EPHA6: variants seen among roughly 807,000 people sequenced by gnomAD.
EPHA6 encodes EPH receptor A6.
A neutral mutation model predicts 112.0 loss-of-function variants in EPHA6; 50 were observed. That is an observed-to-expected ratio of 0.45 (90% CI 0.36 to 0.56). EPHA6 has a LOEUF of 0.56. Among genes scored for constraint, EPHA6 ranks in the 20% least tolerant of loss-of-function variants. The pLI, the probability that EPHA6 is intolerant of heterozygous loss-of-function variation, is 0.00. For synonymous variants in EPHA6, 529 were observed against 490.7 expected (o/e 1.08, Z -1.03); for missense variants, 1,280 against 1,417.4 (o/e 0.90, Z 1.56).
At chr3:97,671,505 G>C (rs770289839) in intron 14 of EPHA6, among the ~76,000 whole-genome samples, 2 of 152,114 alleles carry the variant, frequency 1.3e-5, no homozygotes, top group Non-Finnish European at 2.9e-5. Flanking sequence ...TATGAGAGCT[G>C]TGTGTTGGAA....
At chr3:97,358,276 A>T (rs763887429) in intron 5 of EPHA6, among the ~76,000 whole-genome samples, 1 of 151,986 alleles carries the variant, frequency 6.6e-6, no homozygotes, top group African/African-American at 2.4e-5. Context: ...TGGGCATTAC[A>T]TCTAACATCC....
chr3:97,096,770 T>C, intron 3 of EPHA6, among the ~76,000 whole-genome samples: 1 of 151,918 alleles, frequency 6.6e-6, no homozygotes, highest in East Asian at 1.9e-4. Flanking sequence ...TTATTTAAAG[T>C]TAAAAACCAA....
At chr3:96,936,323 G>C (rs2040579649) in intron 2 of EPHA6, among the ~76,000 whole-genome samples, 1 of 151,708 alleles carries the variant, frequency 6.6e-6, no homozygotes, top group Non-Finnish European at 1.5e-5. Context: ...AAATATGTTT[G>C]AAATGTAATG....
At chr3:97,171,844 G>A (rs1258142621) in intron 3 of EPHA6, among the ~76,000 whole-genome samples, 1 of 151,990 alleles carries the variant, frequency 6.6e-6, no homozygotes, top group Non-Finnish European at 1.5e-5. Context: ...AGTAGAATGA[G>A]TTTAGGGATA....
chr3:97,449,229 C>A (rs1246590692), intron 7 of EPHA6, among the ~76,000 whole-genome samples: 1 of 151,960 alleles, frequency 6.6e-6, no homozygotes, highest in Non-Finnish European at 1.5e-5. Flanking sequence ...TGCTGAAAAC[C>A]AAAATGGGAG....
chr3:97,418,257 TA>T (rs1254636681), intron 6 of EPHA6, among the ~76,000 whole-genome samples: 4 of 151,856 alleles, frequency 2.6e-5, no homozygotes, highest in Non-Finnish European at 5.9e-5. Flanking sequence ...AAAAGACATT[TA>T]AAAAATCTAA....
chr3:96,925,351 A>G (rs564336087), intron 2 of EPHA6, among the ~76,000 whole-genome samples: 56 of 152,102 alleles, frequency 3.7e-4, no homozygotes, highest in Admixed American at 2.0e-3. Flanking sequence ...GAGAGATTCA[A>G]TTTCTTCCTG....
At chr3:97,032,791 T>C (rs972751540) in intron 3 of EPHA6, among the ~76,000 whole-genome samples, 1 of 151,964 alleles carries the variant, frequency 6.6e-6, no homozygotes, top group Non-Finnish European at 1.5e-5. Flanking sequence ...CCCCAGACCT[T>C]ACCTATTGCC....
intron 5 of EPHA6, among the ~76,000 whole-genome samples, chr3:97,337,174 G>A (rs914322378): frequency 6.6e-6 from 1 of 152,098 alleles, no homozygotes; most frequent in Non-Finnish European, 1.5e-5. Context: ...CACAGAGGAT[G>A]AAATAGGCAA....
At chr3:97,265,271 T>C (rs1211436122) in intron 5 of EPHA6, among the ~76,000 whole-genome samples, 1 of 152,128 alleles carries the variant, frequency 6.6e-6, no homozygotes, top group Non-Finnish European at 1.5e-5. Context: ...ACTCTCAACC[T>C]TTGCCCAGGA....
chr3:97,481,670 G>T (rs557002111), intron 9 of EPHA6, among the ~76,000 whole-genome samples: 7 of 148,630 alleles, frequency 4.7e-5, no homozygotes, highest in Middle Eastern at 3.4e-3. Context: ...TTCAACGGCC[G>T]CCCGGCCCCG....
chr3:96,869,210 C>G (rs761449293), intron 2 of EPHA6, among the ~76,000 whole-genome samples: 1 of 151,924 alleles, frequency 6.6e-6, no homozygotes, highest in African/African-American at 2.4e-5. Context: ...ACAGATTTTT[C>G]TACCCTCAAG....
chr3:97,549,030 C>T (rs1174763630), intron 11 of EPHA6, among the ~76,000 whole-genome samples: 1 of 152,172 alleles, frequency 6.6e-6, no homozygotes, highest in Admixed American at 6.5e-5. Flanking sequence ...TACTGCACTG[C>T]TAGGCATGTA....
chr3:97,269,169 A>G (rs1291568742), intron 5 of EPHA6, among the ~76,000 whole-genome samples: 1 of 152,210 alleles, frequency 6.6e-6, no homozygotes, highest in Non-Finnish European at 1.5e-5. Context: ...CCAATTGTCC[A>G]AAGATATTCA....
chr3:96,984,836 G>T (rs547423882), intron 2 of EPHA6, among the ~76,000 whole-genome samples: 2 of 152,220 alleles, frequency 1.3e-5, no homozygotes, highest in Non-Finnish European at 2.9e-5. Flanking sequence ...CGTGGGCATG[G>T]CACCCTCTAA....
chr3:97,306,479 C>T (rs2081325892), intron 5 of EPHA6, among the ~76,000 whole-genome samples: 2 of 151,684 alleles, frequency 1.3e-5, no homozygotes, highest in Non-Finnish European at 2.9e-5. Flanking sequence ...AGCTTCCTAA[C>T]CTCAGCAGTC....
intron 3 of EPHA6, among the ~76,000 whole-genome samples, chr3:97,179,512 G>A (rs971630569): frequency 1.3e-5 from 2 of 151,982 alleles, no homozygotes; most frequent in Non-Finnish European, 2.9e-5. Flanking sequence ...GTCTTTTTGG[G>A]AAGGCTTTCC....
rs1035382167 is a variant in EPHA6, at chr3:97,757,671, G to A, written c.*8970G>A. Among the ~76,000 whole-genome samples the A allele has an allele frequency of 1.1e-4, 17 of 151,672 alleles. No homozygotes were observed. Among genetic ancestry groups the A allele is most frequent in the African/African-American group, 3.4e-4 (14 of 41,348 alleles). ...TTTTAGCATCAATTTATCTTGTTAA[G>A]CAGTTATATTAATTTTACACATACT... On this transcript the variant is annotated 3_prime_UTR_variant, in exon 18 of 18. Coordinates refer to ENST00000389672, the MANE Select transcript of EPHA6 (RefSeq NM_001080448.3).
At chr3:97,213,997 CTGTG>C (rs10557927) in intron 3 of EPHA6, among the ~76,000 whole-genome samples, 5,000 of 128,650 alleles carry the variant, frequency 0.039, 106 homozygotes, top group Middle Eastern at 0.1. Context: ...CTCATGTGTT[CTGTG>C]TGTGTGTGTG....
Sources: allele counts gnomAD v4.1 joint callset (sites outside exome capture counted in the v4.1 genomes callset), GRCh38; gene constraint gnomAD v4.1.1; transcripts MANE v1.5; gene names NCBI Gene and HGNC (gene_info 2026-07-23, HGNC 2026-07-21).